The following TMPRSS15 variants were observed in gnomAD, a reference collection of about 807,000 sequenced individuals.
TMPRSS15 encodes enteropeptidase.
In TMPRSS15, 128 loss-of-function variants were observed where a neutral mutation model predicts 125.3. The ratio of observed to expected loss-of-function variants is 1.02; its 90% CI spans 0.89 to 1.18. The LOEUF (loss-of-function observed/expected upper bound fraction) is 1.18, where lower values mean the gene tolerates loss of function less well. Among genes scored for constraint, TMPRSS15 ranks in the 50% most tolerant of loss-of-function variants. The pLI, the probability that TMPRSS15 is intolerant of heterozygous loss-of-function variation, is 0.00. For missense variants in TMPRSS15, 1,283 were observed against 1,212.7 expected, an observed-to-expected ratio of 1.06 and a Z score of -0.86; for synonymous variants, 446 against 423.2, an observed-to-expected ratio of 1.05 and a Z score of -0.66.
At chr21:18,326,090 TC>T (rs1221194992) in intron 16 of TMPRSS15, among the ~76,000 whole-genome samples, 5 of 152,116 alleles carry the variant, frequency 3.3e-5, no homozygotes, top group Non-Finnish European at 7.4e-5. Flanking sequence ...CTGAAAATGT[TC>T]TTGATATGGG....
At position 18,294,301 on chromosome 21, in the gene TMPRSS15, A is replaced by C; in HGVS notation, c.2455T>G (p.Trp819Gly). The change falls in exon 21 of 25, where the codon TGG (tryptophan) becomes GGG (glycine). Residue 819 changes from tryptophan (W) to glycine (G), a missense_variant. By Grantham distance (184) the Trp-to-Gly change is radical. Transcript: ENST00000284885. ...LCGASLVSSD[W>G]LVSAAHCVYG... is the part of the protein sequence containing the mutation. ...ACGCAGTGTGCGGCGGACACCAGCC[A>C]GTCACTGCTGACGAGAGATGCGCCG... 3 of 1,614,254 alleles carry C rather than the reference A, an allele frequency of 1.9e-6. No individual in the cohort carries two copies. The highest frequency in any genetic ancestry group is 2.5e-6 in the Non-Finnish European group (3 of 1,180,052).
At chr21:18,416,489 A>G (rs2076180531) in intron 1 of TMPRSS15, among the ~76,000 whole-genome samples, 1 of 152,166 alleles carries the variant, frequency 6.6e-6, no homozygotes, top group South Asian at 2.1e-4. Flanking sequence ...ACTTACTATT[A>G]TCATAAGGCA....
intron 21 of TMPRSS15, among the ~76,000 whole-genome samples, chr21:18,281,846 C>T (rs1662158990): frequency 1.3e-5 from 2 of 151,896 alleles, no homozygotes; most frequent in South Asian, 2.1e-4. Flanking sequence ...GCCTGTAATC[C>T]CAGCACTTTG....
chr21:18,270,231 TATG>T, intron 24 of TMPRSS15, 107 bp from the exon 25 acceptor site: 1 of 997,092 alleles, frequency 1.0e-6, no homozygotes, highest in Non-Finnish European at 1.5e-6. Flanking sequence ...AATTAAAAAA[TATG>T]ATTTAATTGC....
chr21:18,478,611 T>C (rs543596470), intron 1 of TMPRSS15, among the ~76,000 whole-genome samples: 33 of 152,120 alleles, frequency 2.2e-4, no homozygotes, highest in African/African-American at 7.0e-4. Flanking sequence ...GAGTACCACA[T>C]GGCATTTACT....
At chr21:18,402,636 G>A (rs1232393274) in intron 1 of TMPRSS15, among the ~76,000 whole-genome samples, 11 of 151,334 alleles carry the variant, frequency 7.3e-5, no homozygotes, top group African/African-American at 1.7e-4. Context: ...CTGTTAATAC[G>A]TAGGTTATTG....
intron 16 of TMPRSS15, among the ~76,000 whole-genome samples, chr21:18,319,114 A>T (rs1330387104): frequency 1.3e-5 from 2 of 152,176 alleles, no homozygotes; most frequent in Non-Finnish European, 2.9e-5. Flanking sequence ...AATTATGAAG[A>T]TATAATTTAC....
chr21:18,397,596 G>A lies in TMPRSS15; in HGVS notation c.344+283C>T, dbSNP rs141856276. On this transcript the variant is annotated intron_variant, in intron 3 of 24. Coordinates refer to ENST00000284885, the MANE Select transcript of TMPRSS15 (RefSeq NM_002772.3). ...ACAAGCAAGCTTTTTCCAAATGTTC[G>A]TAGCAAGTCAAATACTATATCTGCA... Among the ~76,000 whole-genome samples the A allele has an allele frequency of 7.8e-4, 119 of 152,086 alleles. 1 individual carries two copies. The highest frequency in any genetic ancestry group is 2.7e-3 in the African/African-American group (112 of 41,502).
At chr21:18,304,386 C>T (rs909142659) in intron 18 of TMPRSS15, among the ~76,000 whole-genome samples, 1 of 152,024 alleles carries the variant, frequency 6.6e-6, no homozygotes, top group East Asian at 1.9e-4. Context: ...AAGGATCGTG[C>T]GTGTCTTGAC....
chr21:18,315,648 C>T (rs1450769334), intron 16 of TMPRSS15, among the ~76,000 whole-genome samples: 1 of 16,070 alleles, frequency 6.2e-5, no homozygotes, highest in Non-Finnish European at 1.1e-4. Context: ...GCACATGTAC[C>T]GTAGAACTTA....
At chr21:18,271,133 G>C (rs113410714) in intron 24 of TMPRSS15, among the ~76,000 whole-genome samples, 1 of 152,046 alleles carries the variant, frequency 6.6e-6, no homozygotes, top group African/African-American at 2.4e-5. Flanking sequence ...GCGACCATAG[G>C]TTACCAACAT....
chr21:18,369,783 A>C (rs1422316728), intron 6 of TMPRSS15, among the ~76,000 whole-genome samples: 2 of 152,100 alleles, frequency 1.3e-5, no homozygotes, highest in Non-Finnish European at 2.9e-5. Context: ...TGGAAGTTTG[A>C]GCTGGTGCTG....
intron 21 of TMPRSS15, among the ~76,000 whole-genome samples, chr21:18,293,349 A>G (rs1033074688): frequency 6.6e-6 from 1 of 151,780 alleles, no homozygotes; most frequent in Non-Finnish European, 1.5e-5. Context: ...TCTTTCTAAC[A>G]TGGTTCTTTC....
intron 1 of TMPRSS15, among the ~76,000 whole-genome samples, chr21:18,475,207 C>A (rs991798023): frequency 3.9e-5 from 6 of 152,080 alleles, no homozygotes; most frequent in Non-Finnish European, 8.8e-5. Context: ...CCAAACTACT[C>A]CTTTTCAGAG....
chr21:18,282,993 G>C (rs1250773431), intron 21 of TMPRSS15, among the ~76,000 whole-genome samples: 1 of 152,150 alleles, frequency 6.6e-6, no homozygotes, highest in African/African-American at 2.4e-5. Flanking sequence ...CTAGTGGTTG[G>C]TGGCAGCTCC....
At chr21:18,425,935 T>C (rs2076201752) in intron 1 of TMPRSS15, among the ~76,000 whole-genome samples, 1 of 152,244 alleles carries the variant, frequency 6.6e-6, no homozygotes, top group South Asian at 2.1e-4. Context: ...ACATTAACAT[T>C]GATTTTATGC....
chr21:18,405,308 A>T (rs903248748), upstream of TMPRSS15, among the ~76,000 whole-genome samples: 2 of 152,204 alleles, frequency 1.3e-5, no homozygotes, highest in South Asian at 2.1e-4. Flanking sequence ...AATTCTCCTC[A>T]AATAATGTTT....
chr21:18,472,172 T>C (rs1003071155), intron 1 of TMPRSS15, among the ~76,000 whole-genome samples: 1 of 152,050 alleles, frequency 6.6e-6, no homozygotes, highest in Admixed American at 6.6e-5. Flanking sequence ...CAGAAAAACA[T>C]ACACCTTTAA....
At chr21:18,479,419 G>C (rs2824845) in intron 1 of TMPRSS15, among the ~76,000 whole-genome samples, 70,985 of 151,698 alleles carry the variant, frequency 0.47, 17,684 homozygotes, top group East Asian at 0.92. Context: ...ATTAAAATTT[G>C]TTTACTACCT....
Sources: allele counts gnomAD v4.1 joint callset (sites outside exome capture counted in the v4.1 genomes callset), GRCh38; gene constraint gnomAD v4.1.1; transcripts MANE v1.5; gene names NCBI Gene and HGNC (gene_info 2026-07-23, HGNC 2026-07-21).